Variants in SPRR2B observed in about 807,000 individuals in gnomAD.
SPRR2B encodes the protein small proline-rich protein 2B.
SPRR2B carries 1 observed loss-of-function variant against 1.0 expected under a neutral mutation model. The ratio of observed to expected loss-of-function variants is 1.01; its 90% CI spans 0.36 to 4.77. The LOEUF (loss-of-function observed/expected upper bound fraction) is 4.77. Ranked by LOEUF, SPRR2B falls within the 30% of genes most tolerant of loss-of-function variation. The pLI, the probability that SPRR2B is intolerant of heterozygous loss-of-function variation, is 0.16. For synonymous variants in SPRR2B, 27 were observed against 33.4 expected, an observed-to-expected ratio of 0.81 and a Z score of 0.66; for missense variants, 53 against 88.7, an observed-to-expected ratio of 0.60 and a Z score of 1.62.
upstream of SPRR2B, among the ~76,000 whole-genome samples, chr1:153,072,500 C>G (rs537352401): frequency 1.3e-5 from 2 of 152,264 alleles, no homozygotes; most frequent in African/African-American, 4.8e-5. Flanking sequence ...AATGCATAGA[C>G]TTACAGTATC....
the SPRR2B span, among the ~76,000 whole-genome samples, chr1:153,079,890 A>T: frequency 6.6e-6 from 1 of 152,070 alleles, no homozygotes; most frequent in Non-Finnish European, 1.5e-5. Context: ...AGTTTTTTCC[A>T]ATTCTGTGAA....
the SPRR2B span, among the ~76,000 whole-genome samples, chr1:153,085,497 G>A: frequency 6.6e-6 from 1 of 152,116 alleles, no homozygotes; most frequent in African/African-American, 2.4e-5. Flanking sequence ...GAATGAAAAG[G>A]AATGAATGAA....
chr1:153,079,731 T>C, the SPRR2B span, among the ~76,000 whole-genome samples: 1 of 152,176 alleles, frequency 6.6e-6, no homozygotes, highest in South Asian at 2.1e-4. Flanking sequence ...TATATCTCTG[T>C]TTTGGTACCA....
In SPRR2B at chr1:153,070,385, G is replaced by A. The variant is rs1654628003; in HGVS notation, c.*236C>T. On this transcript the variant is annotated 3_prime_UTR_variant, in exon 2 of 2. Coordinates refer to ENST00000368755, the MANE Select transcript of SPRR2B (RefSeq NM_001388198.1). ...GCAGCTCTTTCTGCTGAAGCTCTGG[G>A]AACTGACAAAGCCAAGGTTCCTTTG... 2 of 723,158 alleles carry A rather than the reference G, an allele frequency of 2.8e-6. No homozygotes were observed. The highest frequency in any genetic ancestry group is 3.6e-5 in the African/African-American group (2 of 56,078). The allele number at this position is 723,158 out of a possible 1,614,324, so 44.8% of individuals were successfully genotyped here.
At chr1:153,071,977 TC>T (rs1026646967), upstream of SPRR2B, among the ~76,000 whole-genome samples, 1 of 152,178 alleles carries the variant, frequency 6.6e-6, no homozygotes, top group Non-Finnish European at 1.5e-5. Context: ...ACCCCTTCTT[TC>T]CTCGTACAAT....
the SPRR2B span, among the ~76,000 whole-genome samples, chr1:153,087,052 A>G: frequency 6.6e-6 from 1 of 152,174 alleles, no homozygotes; most frequent in Non-Finnish European, 1.5e-5. Flanking sequence ...TCTCTGGGAC[A>G]CAGCTAAGTC....
chr1:153,075,563 G>A (rs6689510), upstream of SPRR2B, among the ~76,000 whole-genome samples: 53,264 of 151,592 alleles, frequency 0.35, 10,259 homozygotes, highest in Non-Finnish European at 0.45. Context: ...GATAATAATA[G>A]TACCTACTAC....
At position 153,070,232 on chromosome 1, in the gene SPRR2B, CATAG is replaced by C; in HGVS notation, c.*385_*388del. ...AAAGACCCATTCACAAATATATATG[CATAG>C]ATACTTTATTCAGGGAGTGAAAGAA... is the stretch of plus-strand genomic sequence containing the variant. On this transcript the variant is annotated 3_prime_UTR_variant, in exon 2 of 2. Coordinates refer to ENST00000368755, the MANE Select transcript of SPRR2B (RefSeq NM_001388198.1). The C allele has an allele frequency of 2.3e-6, 1 of 439,548 alleles. No homozygotes were observed. The highest frequency in any genetic ancestry group is 4.0e-6 in the Non-Finnish European group (1 of 250,290). 27.2% of individuals were successfully genotyped at this position (439,548 alleles called of 1,614,324 possible).
chr1:153,085,159 G>C, the SPRR2B span, among the ~76,000 whole-genome samples: 1 of 152,166 alleles, frequency 6.6e-6, no homozygotes, highest in Non-Finnish European at 1.5e-5. Context: ...CTCTAGCAAG[G>C]GTTCTGTACT....
chr1:153,073,908 T>G (rs1029129842), upstream of SPRR2B, among the ~76,000 whole-genome samples: 1 of 152,224 alleles, frequency 6.6e-6, no homozygotes, highest in Non-Finnish European at 1.5e-5. Context: ...AATACTTTAC[T>G]TTTTTGTGAT....
chr1:153,085,721 C>T, the SPRR2B span, among the ~76,000 whole-genome samples: 887 of 152,288 alleles, frequency 5.8e-3, 3 homozygotes, highest in Non-Finnish European at 9.1e-3. Context: ...ATCTGCAAGA[C>T]ACATAATCAT....
upstream of SPRR2B, among the ~76,000 whole-genome samples, chr1:153,075,248 C>T (rs1414024707): frequency 3.3e-5 from 5 of 151,990 alleles, no homozygotes; most frequent in Admixed American, 6.6e-5. Context: ...GAGGCTGAGG[C>T]ACAGAATTGC....
At chr1:153,074,965 G>A (rs1654745161), upstream of SPRR2B, among the ~76,000 whole-genome samples, 1 of 152,144 alleles carries the variant, frequency 6.6e-6, no homozygotes, top group South Asian at 2.1e-4. Flanking sequence ...CTCTCTTGAA[G>A]AAAACCCTGA....
chr1:153,077,929 C>G, the SPRR2B span, among the ~76,000 whole-genome samples: 1 of 151,916 alleles, frequency 6.6e-6, no homozygotes, highest in Admixed American at 6.6e-5. Context: ...CCAATGAAAA[C>G]ACAAAAATGT....
At chr1:153,082,555 T>A in the SPRR2B span, among the ~76,000 whole-genome samples, 47 of 152,234 alleles carry the variant, frequency 3.1e-4, no homozygotes, top group African/African-American at 1.1e-3. Flanking sequence ...TATAATCAAA[T>A]TAAAATGGCA....
chr1:153,079,190 G>A, the SPRR2B span, among the ~76,000 whole-genome samples: 12 of 150,482 alleles, frequency 8.0e-5, no homozygotes, highest in East Asian at 2.0e-4. Flanking sequence ...TATATCCTTC[G>A]CCCACTTTTT....
At chr1:153,084,241 T>C in the SPRR2B span, among the ~76,000 whole-genome samples, 1 of 152,126 alleles carries the variant, frequency 6.6e-6, no homozygotes, top group Admixed American at 6.5e-5. Context: ...TGTGAGTGCA[T>C]GAGTGGGTTT....
the SPRR2B span, among the ~76,000 whole-genome samples, chr1:153,077,950 A>G: frequency 1.3e-5 from 2 of 152,240 alleles, no homozygotes; most frequent in Non-Finnish European, 2.9e-5. Context: ...TTTCGAGTAT[A>G]CACAAAAGAT....
chr1:153,074,072 C>G (rs1172772668), upstream of SPRR2B, among the ~76,000 whole-genome samples: 2 of 152,162 alleles, frequency 1.3e-5, no homozygotes, highest in African/African-American at 2.4e-5. Context: ...CTCCTCTGCT[C>G]CCCACTTATA....
Sources: allele counts gnomAD v4.1 joint callset (sites outside exome capture counted in the v4.1 genomes callset), GRCh38; gene constraint gnomAD v4.1.1; transcripts MANE v1.5; gene names NCBI Gene and HGNC (gene_info 2026-07-23, HGNC 2026-07-21).